Variants in LIMD1 observed in about 807,000 individuals in gnomAD.
LIMD1 encodes the protein LIM domain-containing protein 1.
Under a neutral mutation model 58.4 loss-of-function variants are expected in LIMD1, and 23 were observed. The observed-to-expected ratio is 0.39, with a 90% CI of 0.28 to 0.56. The LOEUF is 0.56. Among genes scored for constraint, LIMD1 ranks in the 20% least tolerant of loss-of-function variants. The pLI, the probability that LIMD1 is intolerant of heterozygous loss-of-function variation, is 0.57. For missense variants in LIMD1, 838 were observed against 855.5 expected (o/e 0.98, Z 0.25); for synonymous variants, 334 against 345.5 (o/e 0.97, Z 0.37).
intron 1 of LIMD1, among the ~76,000 whole-genome samples, chr3:45,616,508 A>G (rs767460847): frequency 1.3e-4 from 20 of 152,056 alleles, no homozygotes; most frequent in Admixed American, 3.9e-4. Flanking sequence ...CACCCACAGA[A>G]TTGGAGCCAA....
rs1254852217 is a variant in LIMD1, at chr3:45,636,170, A to G, written c.1429A>G (p.Lys477Glu). 1.2e-6 allele frequency: 2 copies of G among 1,612,954 alleles called. No homozygotes were observed. The highest frequency in any genetic ancestry group is 1.7e-6 in the Non-Finnish European group (2 of 1,179,370). Residue 477 changes from lysine to glutamate, a missense_variant, in exon 2 of 8, where the codon AAA (lysine) becomes GAA (glutamate). This residue lies in a region of LIMD1 where 659 missense variants were observed against 639.8 expected (regional missense o/e 1.03). Transcript: ENST00000273317. ...GCAAGGAGCCTGTGTGAAATGCAGC[A>G]AAGGGGTGTTTGGGGCTGGCCAGGC... ...DYFGACVKCS[K>E]GVFGAGQACQ...
intron 2 of LIMD1, among the ~76,000 whole-genome samples, chr3:45,645,889 A>G (rs372842096): frequency 6.6e-6 from 1 of 151,692 alleles, no homozygotes; most frequent in South Asian, 2.1e-4. Context: ...GTTTGCACCC[A>G]TAGTTGCCCA....
intron 1 of LIMD1, among the ~76,000 whole-genome samples, chr3:45,600,181 T>C (rs1701397764): frequency 6.6e-6 from 1 of 152,218 alleles, no homozygotes; most frequent in Non-Finnish European, 1.5e-5. Context: ...TGCAGGGCGC[T>C]TGGCAGTGAG....
In LIMD1 at chr3:45,635,668, C is replaced by A. The variant is rs116537044; in HGVS notation, c.1409-482C>A. 3.2e-5 allele frequency among the ~76,000 whole-genome samples: 4 copies of A among 126,818 alleles called. No individual in the cohort carries two copies. The East Asian group carries it at 7.6e-4, about 24-fold the overall frequency. 83.2% of individuals were successfully genotyped at this position (126,818 alleles called of 152,430 possible). A position where few individuals can be genotyped will look rare whatever the true frequency, so the allele number is the denominator to read the frequency against. On this transcript the variant is annotated intron_variant, in intron 1 of 7. Transcript: ENST00000273317. ...ATCCTAGCACTTTAGGAGGCCGAGG[C>A]GGGAGGATTGCTTGAGCCTAGGAGT...
At chr3:45,658,620 A>ATC (rs1162430598) in intron 2 of LIMD1, among the ~76,000 whole-genome samples, 2 of 117,196 alleles carry the variant, frequency 1.7e-5, no homozygotes, top group African/African-American at 6.5e-5. Flanking sequence ...CAATGGTGTG[A>ATC]TCTCAGCTCA....
At chr3:45,652,325 A>G (rs1416300570) in intron 2 of LIMD1, among the ~76,000 whole-genome samples, 1 of 152,174 alleles carries the variant, frequency 6.6e-6, no homozygotes, top group Admixed American at 6.5e-5. Flanking sequence ...AACATTTCCA[A>G]CATATTGAAT....
At chr3:45,656,059 A>G (rs1382355061) in intron 2 of LIMD1, among the ~76,000 whole-genome samples, 1 of 152,188 alleles carries the variant, frequency 6.6e-6, no homozygotes, top group Non-Finnish European at 1.5e-5. Context: ...GTGTCCTTAT[A>G]AGAAGAGCTC....
At chr3:45,624,000 G>A (rs929966148) in intron 1 of LIMD1, among the ~76,000 whole-genome samples, 3 of 152,190 alleles carry the variant, frequency 2.0e-5, no homozygotes, top group African/African-American at 7.2e-5. Context: ...GCTGGGGGAA[G>A]ACTGTTGCTG....
At chr3:45,660,405 CTTTT>C (rs869301368) in intron 2 of LIMD1, among the ~76,000 whole-genome samples, 21 of 80,010 alleles carry the variant, frequency 2.6e-4, no homozygotes, top group East Asian at 4.2e-4. Context: ...GGTGGGCTGT[CTTTT>C]TTTTTTTTTT....
intron 2 of LIMD1, among the ~76,000 whole-genome samples, chr3:45,650,186 T>C (rs1701953186): frequency 6.6e-6 from 1 of 152,158 alleles, no homozygotes; most frequent in South Asian, 2.1e-4. Flanking sequence ...TTTAAAAAGT[T>C]CTTTTCCTCT....
At chr3:45,609,340 C>T (rs959274943) in intron 1 of LIMD1, among the ~76,000 whole-genome samples, 2 of 152,184 alleles carry the variant, frequency 1.3e-5, no homozygotes, top group African/African-American at 2.4e-5. Flanking sequence ...GAATTTCAGT[C>T]GGTCAGCATA....
At chr3:45,600,870 C>T (rs1373464138) in intron 1 of LIMD1, among the ~76,000 whole-genome samples, 3 of 152,030 alleles carry the variant, frequency 2.0e-5, no homozygotes, top group African/African-American at 7.3e-5. Context: ...TTAAGACCAG[C>T]CTGGGCAACA....
chr3:45,604,312 G>A (rs191361957), intron 1 of LIMD1, among the ~76,000 whole-genome samples: 1 of 152,270 alleles, frequency 6.6e-6, no homozygotes, highest in Admixed American at 6.5e-5. Context: ...TTCTCTGAAG[G>A]GATGTGACTA....
At chr3:45,655,710 C>T (rs1190310700) in intron 2 of LIMD1, among the ~76,000 whole-genome samples, 1 of 152,146 alleles carries the variant, frequency 6.6e-6, no homozygotes, top group East Asian at 1.9e-4. Context: ...GTTTGAGAAC[C>T]ACCTAAGTTT....
chr3:45,655,012 C>A (rs560995363), intron 2 of LIMD1, among the ~76,000 whole-genome samples: 1 of 150,856 alleles, frequency 6.6e-6, no homozygotes, highest in Non-Finnish European at 1.5e-5. Context: ...CTCTGCCACC[C>A]GGGTTCAAGT....
intron 1 of LIMD1, among the ~76,000 whole-genome samples, chr3:45,612,716 A>T (rs756710610): frequency 6.6e-6 from 1 of 152,222 alleles, no homozygotes; most frequent in Non-Finnish European, 1.5e-5. Flanking sequence ...CTGATTTTTT[A>T]AAATCATTTA....
At chr3:45,655,375 C>T (rs1481752055) in intron 2 of LIMD1, among the ~76,000 whole-genome samples, 1 of 152,140 alleles carries the variant, frequency 6.6e-6, no homozygotes, top group Non-Finnish European at 1.5e-5. Flanking sequence ...TTACTGGAAG[C>T]AGGACGATTC....
Position 45,677,082 on chromosome 3 carries a change from C to T in LIMD1, c.*23C>T, listed in dbSNP as rs752546158. On this transcript the variant is annotated 3_prime_UTR_variant, in exon 8 of 8. Transcript: ENST00000273317. Reference sequence around the variant, plus strand: ...TAGCCAGAGCCACTTGCAGACATCACGGCAGGGGATGAGGAGCCGGGGTTG... The same window carrying T: ...TAGCCAGAGCCACTTGCAGACATCATGGCAGGGGATGAGGAGCCGGGGTTG... 2.5e-5 allele frequency: 40 copies of T among 1,606,566 alleles called. No homozygotes were observed. The highest frequency in any genetic ancestry group is 3.3e-5 in the Admixed American group (2 of 59,908).
intron 2 of LIMD1, among the ~76,000 whole-genome samples, chr3:45,654,848 A>AGAAAAAC (rs1559523309): frequency 3.7e-4 from 56 of 150,748 alleles, no homozygotes; most frequent in African/African-American, 1.3e-3. Flanking sequence ...AAAAGAAAAA[A>AGAAAAAC]TTCATTCACT....
Sources: allele counts gnomAD v4.1 joint callset (sites outside exome capture counted in the v4.1 genomes callset), GRCh38; gene constraint gnomAD v4.1.1; regional missense constraint gnomAD v4.1.1; transcripts MANE v1.5; gene names NCBI Gene and HGNC (gene_info 2026-07-23, HGNC 2026-07-21).